The following HECW2 variants were observed in gnomAD, a reference collection of about 807,000 sequenced individuals.
The protein encoded by HECW2 is E3 ubiquitin-protein ligase HECW2.
Under a neutral mutation model 175.2 loss-of-function variants are expected in HECW2, and 61 were observed. The ratio of observed to expected loss-of-function variants is 0.35; its 90% CI spans 0.28 to 0.43. HECW2 has a LOEUF of 0.43. HECW2 is among the 20% of genes least tolerant of loss of function. The pLI is 1.00. For synonymous variants in HECW2, 671 were observed against 731.0 expected, an observed-to-expected ratio of 0.92 and a Z score of 1.32; for missense variants, 1,524 against 2,000.5, an observed-to-expected ratio of 0.76 and a Z score of 4.54.
chr2:196,361,579 C>T (rs1212888409), intron 2 of HECW2, among the ~76,000 whole-genome samples: 1 of 152,154 alleles, frequency 6.6e-6, no homozygotes, highest in African/African-American at 2.4e-5. Flanking sequence ...AGGTGACTGT[C>T]TATATGTAAC....
Position 196,225,837 on chromosome 2 carries a change from T to A in HECW2, c.3951A>T (p.Ala1317=). The stretch of plus-strand genomic sequence containing the variant: ...CATCCAACAAATACTGGTGTATTAG[T>A]GCAAGACCAAGGATCCTACCACTGA... The part of the protein sequence containing the change: ...FRFSGRILGL[A]LIHQYLLDAF... Residue 1317 remains alanine, a synonymous_variant, in exon 23 of 29, where the codon GCA becomes GCT. Transcript: ENST00000644978. 1 of 1,613,094 alleles carries A rather than the reference T, an allele frequency of 6.2e-7. No individual in the cohort carries two copies. Among genetic ancestry groups the A allele is most frequent in the Non-Finnish European group, 8.5e-7 (1 of 1,179,102 alleles).
intron 2 of HECW2, among the ~76,000 whole-genome samples, chr2:196,421,986 A>T (rs932122707): frequency 3.3e-5 from 5 of 152,176 alleles, no homozygotes; most frequent in African/African-American, 1.2e-4. Flanking sequence ...ATTAAAAGGA[A>T]GATCCGTGAT....
chr2:196,416,191 T>C (rs1389087387), intron 2 of HECW2, among the ~76,000 whole-genome samples: 1 of 152,212 alleles, frequency 6.6e-6, no homozygotes, highest in African/African-American at 2.4e-5. Flanking sequence ...GAATAAGTTT[T>C]AAATTTTGTG....
At chr2:196,501,046 T>C (rs764537070) in intron 1 of HECW2, among the ~76,000 whole-genome samples, 23 of 152,206 alleles carry the variant, frequency 1.5e-4, no homozygotes, top group Non-Finnish European at 3.1e-4. Flanking sequence ...TTTTCAGAAA[T>C]TGAAGTAATA....
At chr2:196,518,319 A>G (rs1415539408) in intron 1 of HECW2, among the ~76,000 whole-genome samples, 1 of 152,202 alleles carries the variant, frequency 6.6e-6, no homozygotes, top group Admixed American at 6.5e-5. Context: ...AGAGCTAAGT[A>G]ATGATGGCTC....
At chr2:196,297,828 C>T (rs1317750938) in intron 13 of HECW2, among the ~76,000 whole-genome samples, 3 of 152,150 alleles carry the variant, frequency 2.0e-5, no homozygotes, top group Admixed American at 6.5e-5. Context: ...GAAATGTTTG[C>T]ATAATATGTA....
At chr2:196,203,424 A>C (rs1292983489) in intron 28 of HECW2, among the ~76,000 whole-genome samples, 2 of 152,194 alleles carry the variant, frequency 1.3e-5, no homozygotes, top group Non-Finnish European at 2.9e-5. Context: ...ATATTAAATA[A>C]AGATTTATCT....
chr2:196,482,695 G>C (rs954987522), intron 1 of HECW2, among the ~76,000 whole-genome samples: 1 of 152,190 alleles, frequency 6.6e-6, no homozygotes, highest in Non-Finnish European at 1.5e-5. Flanking sequence ...GCAAGGAGGT[G>C]ACAGAAGGCA....
chr2:196,426,732 C>T (rs1259082303), intron 2 of HECW2, among the ~76,000 whole-genome samples: 1 of 152,090 alleles, frequency 6.6e-6, no homozygotes, highest in Admixed American at 6.6e-5. Context: ...GAACATAGGA[C>T]ACTGAAGTTC....
chr2:196,568,970 C>A (rs1288736450), intron 1 of HECW2, among the ~76,000 whole-genome samples: 2 of 152,114 alleles, frequency 1.3e-5, no homozygotes, highest in Non-Finnish European at 2.9e-5. Flanking sequence ...TTGTGAATGC[C>A]CATATAACCA....
intron 4 of HECW2, 89 bp from the exon 5 acceptor site, chr2:196,329,739 T>A: frequency 9.6e-7 from 1 of 1,037,150 alleles, no homozygotes; most frequent in East Asian, 2.4e-5. Context: ...CTAAATGCAA[T>A]GATTTTTGCA....
At chr2:196,566,082 C>A (rs1372933808) in intron 1 of HECW2, among the ~76,000 whole-genome samples, 1 of 151,772 alleles carries the variant, frequency 6.6e-6, no homozygotes, top group Non-Finnish European at 1.5e-5. Flanking sequence ...GAATATCTTG[C>A]CAAATAAATG....
chr2:196,213,091 T>C (rs1687348625), intron 28 of HECW2, among the ~76,000 whole-genome samples: 1 of 152,256 alleles, frequency 6.6e-6, no homozygotes, highest in African/African-American at 2.4e-5. Context: ...TACAGATCTT[T>C]TTTTACACCT....
At chr2:196,347,546 T>C (rs1196984850) in intron 2 of HECW2, among the ~76,000 whole-genome samples, 1 of 152,160 alleles carries the variant, frequency 6.6e-6, no homozygotes, top group African/African-American at 2.4e-5. Flanking sequence ...AAATAAAAGT[T>C]AGCCCTTTGA....
chr2:196,496,764 A>C (rs1466558676), intron 1 of HECW2, among the ~76,000 whole-genome samples: 1 of 152,194 alleles, frequency 6.6e-6, no homozygotes, highest in Admixed American at 6.5e-5. Flanking sequence ...AAGAGAAGTA[A>C]ATATTTTTTC....
At chr2:196,378,626 G>A (rs1246118538) in intron 2 of HECW2, among the ~76,000 whole-genome samples, 1 of 152,148 alleles carries the variant, frequency 6.6e-6, no homozygotes, top group Non-Finnish European at 1.5e-5. Flanking sequence ...AACTGTCATT[G>A]AAAATTAAAG....
chr2:196,325,910 G>A (rs888552578), intron 5 of HECW2, among the ~76,000 whole-genome samples: 4 of 152,218 alleles, frequency 2.6e-5, no homozygotes, highest in Non-Finnish European at 5.9e-5. Context: ...TTAGTGAGGA[G>A]ACTGTATGTT....
intron 1 of HECW2, among the ~76,000 whole-genome samples, chr2:196,443,067 C>T (rs1460271997): frequency 2.6e-5 from 4 of 152,118 alleles, no homozygotes; most frequent in Non-Finnish European, 2.9e-5. Flanking sequence ...CAGGATCAAT[C>T]CACCTAAACA....
chr2:196,481,319 T>C (rs1364661009), intron 1 of HECW2, among the ~76,000 whole-genome samples: 1 of 152,242 alleles, frequency 6.6e-6, no homozygotes, highest in East Asian at 1.9e-4. Flanking sequence ...TTAGGAGCCA[T>C]AGGCTTATAG....
Sources: gnomAD v4.1 joint callset for allele counts (sites outside exome capture counted in the v4.1 genomes callset) on GRCh38, gnomAD v4.1.1 for gene constraint, MANE v1.5 for transcripts, NCBI Gene and HGNC (gene_info 2026-07-23, HGNC 2026-07-21) for gene names.